Variants in FOLH1 observed in about 807,000 individuals in gnomAD.
FOLH1 encodes the protein glutamate carboxypeptidase 2.
FOLH1 carries 54 observed loss-of-function variants against 93.9 expected under a neutral mutation model. That is an observed-to-expected ratio of 0.57 (90% CI 0.46 to 0.72). FOLH1 has a LOEUF of 0.72. Among genes scored for constraint, FOLH1 ranks in the 30% least tolerant of loss-of-function variants. The pLI, the probability that FOLH1 is intolerant of heterozygous loss-of-function variation, is 0.00. For missense variants in FOLH1, 571 were observed against 892.5 expected, an observed-to-expected ratio of 0.64 and a Z score of 4.59; for synonymous variants, 249 against 303.6, an observed-to-expected ratio of 0.82 and a Z score of 1.87.
At chr11:49,207,849 A>C (rs2135365007) in intron 1 of FOLH1, 1 of 457,356 alleles carries the variant, frequency 2.2e-6, no homozygotes, top group African/African-American at 2.0e-5. Context: ...GCTGGTAAAG[A>C]CCTGTCCAGA....
intron 3 of FOLH1, among the ~76,000 whole-genome samples, chr11:49,193,917 T>C (rs1411701957): frequency 6.6e-6 from 1 of 152,006 alleles, no homozygotes; most frequent in Non-Finnish European, 1.5e-5. Context: ...CCCAGCACTT[T>C]GGGAGCCCAA....
chr11:49,172,065 G>A (rs1350171152), intron 10 of FOLH1, among the ~76,000 whole-genome samples: 1 of 152,082 alleles, frequency 6.6e-6, no homozygotes, highest in Non-Finnish European at 1.5e-5. Context: ...CATCATCTTA[G>A]TAAATATTCA....
intron 18 of FOLH1, among the ~76,000 whole-genome samples, chr11:49,147,507 T>C (rs1855905932): frequency 6.6e-6 from 1 of 152,110 alleles, no homozygotes; most frequent in African/African-American, 2.4e-5. Flanking sequence ...AATATAGAGT[T>C]TGAAGAATCA....
chr11:49,201,418 C>T (rs999224355), intron 2 of FOLH1, among the ~76,000 whole-genome samples: 1 of 149,434 alleles, frequency 6.7e-6, no homozygotes, highest in Admixed American at 6.7e-5. Flanking sequence ...AAGTTTCATT[C>T]TACCATGTAT....
At position 49,180,589 on chromosome 11, in the gene FOLH1, G is replaced by T. The variant is rs912306570; in HGVS notation, c.920+2560C>A. The stretch of plus-strand genomic sequence containing the variant: ...TGATATATTCCATTTGTAAAACACT[G>T]TCTTTTCTAATTAGTGCACAATGCT... On this transcript the variant is annotated intron_variant, in intron 7 of 18. Coordinates refer to ENST00000256999, the MANE Select transcript of FOLH1 (RefSeq NM_004476.3). 6.6e-5 allele frequency among the ~76,000 whole-genome samples: 10 copies of T among 152,132 alleles called. No individual in the cohort carries two copies. In the East Asian group the frequency reaches 7.7e-4, roughly 12 times the overall value.
At chr11:49,208,159 A>T in intron 1 of FOLH1, 133 bp downstream of exon 1, 1 of 680,734 alleles carries the variant, frequency 1.5e-6, no homozygotes, top group South Asian at 1.9e-5. Context: ...CTCACCCCAC[A>T]TTACCCCGAC....
At chr11:49,203,124 A>T (rs548695844) in intron 2 of FOLH1, among the ~76,000 whole-genome samples, 21 of 152,350 alleles carry the variant, frequency 1.4e-4, no homozygotes, top group African/African-American at 5.0e-4. Context: ...ATGTGATTTC[A>T]TTGGGCCTAT....
chr11:49,178,815 A>T (rs1860396029), intron 7 of FOLH1, among the ~76,000 whole-genome samples: 1 of 152,218 alleles, frequency 6.6e-6, no homozygotes, highest in African/African-American at 2.4e-5. Flanking sequence ...TAATTAATGT[A>T]TAGACAGTAT....
intron 15 of FOLH1, among the ~76,000 whole-genome samples, chr11:49,156,243 A>C (rs1042296878): frequency 6.6e-6 from 1 of 152,034 alleles, no homozygotes; most frequent in African/African-American, 2.4e-5. Flanking sequence ...AGGAAAACAG[A>C]CTAATATATA....
intron 10 of FOLH1, among the ~76,000 whole-genome samples, 194 bp from the exon 11 acceptor site, chr11:49,171,471 C>A (rs1213026102): frequency 6.6e-6 from 1 of 151,614 alleles, no homozygotes; most frequent in Non-Finnish European, 1.5e-5. Context: ...AGCACAATTA[C>A]ATAGAAAAGG....
At chr11:49,148,025 C>T (rs1313514627) in intron 18 of FOLH1, among the ~76,000 whole-genome samples, 1 of 151,886 alleles carries the variant, frequency 6.6e-6, no homozygotes, top group Non-Finnish European at 1.5e-5. Flanking sequence ...CTCCCAAGCC[C>T]GACCCTTTGA....
chr11:49,208,164 C>T, intron 1 of FOLH1, 128 bp downstream of exon 1: 1 of 703,338 alleles, frequency 1.4e-6, no homozygotes, highest in Non-Finnish European at 2.4e-6. Flanking sequence ...CCCACATTAC[C>T]CCGACCCTAA....
At position 49,174,048 on chromosome 11, in the gene FOLH1, A is replaced by T. The variant is rs368396981; in HGVS notation, c.1106-572T>A. 2.6e-5 allele frequency among the ~76,000 whole-genome samples: 4 copies of T among 152,318 alleles called. No individual in the cohort carries two copies. The East Asian group carries it at 7.7e-4, about 29-fold the overall frequency. ...GATAAAGCATTGATCACCCTTAAGC[A>T]TATGGCTCCCTTCACAAACTGTCAG... On this transcript the variant is annotated intron_variant, in intron 9 of 18. Transcript: ENST00000256999.
chr11:49,193,384 C>A (rs1862277908), intron 3 of FOLH1, among the ~76,000 whole-genome samples: 1 of 152,100 alleles, frequency 6.6e-6, no homozygotes, highest in South Asian at 2.1e-4. Context: ...AGTAAATTAA[C>A]CTCATGAATT....
chr11:49,199,405 T>C lies in FOLH1; in HGVS notation c.411+850A>G, dbSNP rs576803352. Among the ~76,000 whole-genome samples, 4 of 152,314 alleles carry C rather than the reference T, an allele frequency of 2.6e-5. No homozygotes were observed. In the South Asian group the frequency reaches 8.3e-4, roughly 32 times the overall value. The stretch of plus-strand genomic sequence containing the variant: ...CCCAACTTGCAAACAAGATTGCAAA[T>C]TCTTTAAATACCATGCTAAAATACC... On this transcript the variant is annotated intron_variant, in intron 3 of 18. Coordinates refer to ENST00000256999, the MANE Select transcript of FOLH1 (RefSeq NM_004476.3).
In FOLH1 at chr11:49,164,757, C is replaced by G. The variant is rs1304546450; in HGVS notation, c.1388G>C (p.Arg463Thr). ...GTACATCAGCGGTGTACAATCAACT[C>G]TCAGAGTGTAGTTTCCTGAAAAATA... ...DSSIEGNYTL[R>T]VDCTPLMYSL... Residue 463 changes from arginine (R) to threonine (T), a missense_variant, in exon 13 of 19, where the codon AGA (arginine) becomes ACA (threonine). By Grantham distance (71) the Arg-to-Thr change is moderately conservative. Transcript: ENST00000256999. 2 of 1,601,768 alleles carry G rather than the reference C, an allele frequency of 1.2e-6. No homozygotes were observed. The highest frequency in any genetic ancestry group is 1.3e-5 in the African/African-American group (1 of 74,580).
At chr11:49,163,329 T>C (rs1467836546) in intron 13 of FOLH1, among the ~76,000 whole-genome samples, 1 of 151,924 alleles carries the variant, frequency 6.6e-6, no homozygotes, top group Non-Finnish European at 1.5e-5. Flanking sequence ...GGAACGTAGT[T>C]GGGGATCTGC....
intron 2 of FOLH1, among the ~76,000 whole-genome samples, chr11:49,203,296 TGG>T (rs1863483519): frequency 6.6e-6 from 1 of 152,196 alleles, no homozygotes. Flanking sequence ...TGAATTCAAC[TGG>T]GTGTTTTCAA....
intron 17 of FOLH1, among the ~76,000 whole-genome samples, chr11:49,150,970 T>A (rs570972244): frequency 6.6e-6 from 1 of 152,314 alleles, no homozygotes; most frequent in African/African-American, 2.4e-5. Context: ...TTATACAAAA[T>A]GTGATTTTTA....
Sources: allele counts gnomAD v4.1 joint callset (sites outside exome capture counted in the v4.1 genomes callset), GRCh38; gene constraint gnomAD v4.1.1; transcripts MANE v1.5; gene names NCBI Gene and HGNC (gene_info 2026-07-23, HGNC 2026-07-21).